Variants in FHIT observed in about 807,000 individuals in gnomAD.
FHIT encodes bis(5'-adenosyl)-triphosphatase.
FHIT carries 19 observed loss-of-function variants against 17.9 expected under a neutral mutation model. That is an observed-to-expected ratio of 1.06 (90% CI 0.74 to 1.56). The LOEUF (loss-of-function observed/expected upper bound fraction) is 1.56. FHIT is among the 40% of genes most tolerant of loss of function. The pLI is 0.00. For synonymous variants in FHIT, 81 were observed against 69.7 expected (o/e 1.16, Z -0.81); for missense variants, 248 against 189.2 (o/e 1.31, Z -1.82).
chr3:59,940,188 T>C (rs1169368211), intron 7 of FHIT, among the ~76,000 whole-genome samples: 1 of 152,164 alleles, frequency 6.6e-6, no homozygotes, highest in Non-Finnish European at 1.5e-5. Context: ...ATACCCAGAC[T>C]AGTACTTGGA....
chr3:61,051,968 A>G (rs1220446410), intron 2 of FHIT, among the ~76,000 whole-genome samples: 3 of 152,216 alleles, frequency 2.0e-5, no homozygotes, highest in Non-Finnish European at 4.4e-5. Flanking sequence ...GGAGAAAACC[A>G]GTAAAGATAT....
intron 4 of FHIT, among the ~76,000 whole-genome samples, chr3:60,563,774 A>C (rs565122271): frequency 6.6e-6 from 1 of 152,328 alleles, no homozygotes; most frequent in Admixed American, 6.5e-5. Flanking sequence ...AAGCTACAGA[A>C]AACAAGTCTG....
chr3:60,950,488 T>C (rs1559857640), intron 3 of FHIT, among the ~76,000 whole-genome samples: 1 of 150,642 alleles, frequency 6.6e-6, no homozygotes, highest in African/African-American at 2.4e-5. Context: ...TTTTTTTCTT[T>C]TTTTTTTTTT....
chr3:59,832,448 G>C (rs550935869), intron 8 of FHIT, among the ~76,000 whole-genome samples: 75 of 152,202 alleles, frequency 4.9e-4, no homozygotes, highest in African/African-American at 1.6e-3. Context: ...ACATTGTCTG[G>C]CTTGGTTATG....
intron 4 of FHIT, among the ~76,000 whole-genome samples, chr3:60,626,481 G>A (rs369511011): frequency 2.6e-5 from 4 of 152,088 alleles, no homozygotes; most frequent in East Asian, 3.9e-4. Flanking sequence ...CTCATAAATG[G>A]AATTTTCTCA....
At chr3:60,261,200 C>T (rs1706279148) in intron 5 of FHIT, among the ~76,000 whole-genome samples, 1 of 152,026 alleles carries the variant, frequency 6.6e-6, no homozygotes, top group African/African-American at 2.4e-5. Flanking sequence ...AAGTTGATTT[C>T]ACTTTACTCT....
At chr3:61,223,288 A>C (rs2106835267) in intron 1 of FHIT, among the ~76,000 whole-genome samples, 1 of 152,312 alleles carries the variant, frequency 6.6e-6, no homozygotes, top group South Asian at 2.1e-4. Flanking sequence ...ACCTCTTGGC[A>C]TGTGTTTTCA....
chr3:60,478,708 GCTTCA>G (rs1198285150), intron 5 of FHIT, among the ~76,000 whole-genome samples: 4 of 152,256 alleles, frequency 2.6e-5, no homozygotes, highest in Admixed American at 2.6e-4. Flanking sequence ...ATTGCATGCT[GCTTCA>G]CTTACCTTGT....
chr3:59,818,184 T>C (rs1259730290), intron 8 of FHIT, among the ~76,000 whole-genome samples: 2 of 152,104 alleles, frequency 1.3e-5, no homozygotes, highest in Non-Finnish European at 2.9e-5. Context: ...AACAGTCCCC[T>C]GCACTCTGCC....
chr3:60,546,578 A>G (rs1484084297), intron 4 of FHIT, among the ~76,000 whole-genome samples: 2 of 152,172 alleles, frequency 1.3e-5, no homozygotes, highest in Admixed American at 6.5e-5. Flanking sequence ...TGTCTTGTTT[A>G]CAAAGATGTA....
intron 8 of FHIT, among the ~76,000 whole-genome samples, chr3:59,842,018 G>A (rs539323902): frequency 8.6e-5 from 13 of 152,020 alleles, no homozygotes; most frequent in African/African-American, 2.9e-4. Context: ...ACTCTTTTTC[G>A]TCTTGTAAAA....
At chr3:61,213,399 G>C (rs899806378) in intron 1 of FHIT, among the ~76,000 whole-genome samples, 1 of 152,170 alleles carries the variant, frequency 6.6e-6, no homozygotes, top group Non-Finnish European at 1.5e-5. Context: ...AAGATCAAAA[G>C]AGAGAAAGAA....
intron 5 of FHIT, among the ~76,000 whole-genome samples, chr3:60,273,768 G>A (rs1002357058): frequency 1.3e-5 from 2 of 152,036 alleles, no homozygotes; most frequent in Non-Finnish European, 2.9e-5. Flanking sequence ...TTTCTTTAAC[G>A]TGAAAACACT....
intron 8 of FHIT, among the ~76,000 whole-genome samples, chr3:59,836,536 G>T (rs1489042001): frequency 6.6e-6 from 1 of 152,152 alleles, no homozygotes; most frequent in African/African-American, 2.4e-5. Flanking sequence ...TATGAGCTTG[G>T]CCCTGCGGTT....
At chr3:60,945,756 A>G (rs1235480439) in intron 3 of FHIT, among the ~76,000 whole-genome samples, 2 of 152,156 alleles carry the variant, frequency 1.3e-5, no homozygotes, top group Non-Finnish European at 2.9e-5. Flanking sequence ...AAAATAAGGT[A>G]GTTTCTTCTG....
intron 7 of FHIT, among the ~76,000 whole-genome samples, chr3:59,927,277 G>T (rs1413530992): frequency 6.6e-6 from 1 of 152,156 alleles, no homozygotes; most frequent in African/African-American, 2.4e-5. Flanking sequence ...AAGATTTGCG[G>T]TTGTGAAGAG....
intron 5 of FHIT, among the ~76,000 whole-genome samples, chr3:60,148,510 T>C (rs1373839122): frequency 6.6e-6 from 1 of 152,230 alleles, no homozygotes; most frequent in African/African-American, 2.4e-5. Context: ...ATATCATATA[T>C]AGTCTTGGTA....
chr3:60,454,189 G>C (rs1334865750), intron 5 of FHIT, among the ~76,000 whole-genome samples: 1 of 152,054 alleles, frequency 6.6e-6, no homozygotes, highest in East Asian at 1.9e-4. Context: ...TGAAGAGAAA[G>C]CAACCATAAA....
At chr3:60,175,726 A>G (rs532656016) in intron 5 of FHIT, among the ~76,000 whole-genome samples, 1 of 152,210 alleles carries the variant, frequency 6.6e-6, no homozygotes, top group Non-Finnish European at 1.5e-5. Context: ...TACCTCCTCT[A>G]AAAATTAGGA....
Sources: gnomAD v4.1 joint callset for allele counts (sites outside exome capture counted in the v4.1 genomes callset) on GRCh38, gnomAD v4.1.1 for gene constraint, MANE v1.5 for transcripts, NCBI Gene and HGNC (gene_info 2026-07-23, HGNC 2026-07-21) for gene names.